Variants in CCSER1 observed in about 807,000 individuals in gnomAD.
The protein encoded by CCSER1 is serine-rich coiled-coil domain-containing protein 1.
In CCSER1, 41 loss-of-function variants were observed where a neutral mutation model predicts 82.0. That is an observed-to-expected ratio of 0.50 (90% confidence interval 0.39 to 0.65). The LOEUF is 0.65. CCSER1 is among the 30% of genes least tolerant of loss of function. The pLI is 0.00. For missense variants in CCSER1, 1,119 were observed against 1,064.2 expected (o/e 1.05, Z -0.72); for synonymous variants, 414 against 383.9 (o/e 1.08, Z -0.92).
At chr4:91,316,901 G>A (rs1036733322) in intron 10 of CCSER1, among the ~76,000 whole-genome samples, 32 of 151,932 alleles carry the variant, frequency 2.1e-4, no homozygotes, top group African/African-American at 7.5e-4. Context: ...GGAGGTGAAC[G>A]GGGATAAAAG....
At chr4:91,242,630 A>G (rs80207298) in intron 10 of CCSER1, among the ~76,000 whole-genome samples, 4,357 of 152,288 alleles carry the variant, frequency 0.029, 209 homozygotes, top group African/African-American at 0.1. Context: ...TTCATGAAAG[A>G]AAAATCTTGA....
At chr4:90,899,091 CTATT>C (rs1404296918) in intron 8 of CCSER1, among the ~76,000 whole-genome samples, 9 of 152,054 alleles carry the variant, frequency 5.9e-5, no homozygotes, top group African/African-American at 1.2e-4. Flanking sequence ...TCATGTTTCT[CTATT>C]TCTTTGTGTC....
intron 1 of CCSER1, among the ~76,000 whole-genome samples, chr4:90,164,843 C>T (rs1560724666): frequency 1.3e-5 from 2 of 152,052 alleles, no homozygotes; most frequent in South Asian, 2.1e-4. Context: ...TACCTTTTGA[C>T]AAAACTTGAA....
intron 8 of CCSER1, among the ~76,000 whole-genome samples, chr4:90,893,859 A>G (rs763377559): frequency 1.3e-5 from 2 of 151,826 alleles, no homozygotes; most frequent in African/African-American, 2.4e-5. Flanking sequence ...TTAGCAGTCT[A>G]TAATTTTTCC....
chr4:90,918,528 C>T (rs1316903811), intron 8 of CCSER1, among the ~76,000 whole-genome samples: 2 of 151,870 alleles, frequency 1.3e-5, no homozygotes, highest in African/African-American at 2.4e-5. Flanking sequence ...CACATTTCCT[C>T]CTCTTCAGTG....
At chr4:90,802,183 A>AT (rs1427519355) in intron 7 of CCSER1, among the ~76,000 whole-genome samples, 5 of 150,990 alleles carry the variant, frequency 3.3e-5, no homozygotes, top group African/African-American at 9.7e-5. Flanking sequence ...ATGCCATTCC[A>AT]TTCCAGCCTG....
At chr4:90,792,713 C>T (rs867165720) in intron 7 of CCSER1, among the ~76,000 whole-genome samples, 6 of 152,224 alleles carry the variant, frequency 3.9e-5, no homozygotes, top group African/African-American at 1.4e-4. Flanking sequence ...GGTTGCACGT[C>T]GGGGCAGGAT....
At chr4:90,777,750 C>T (rs1753132394) in intron 7 of CCSER1, among the ~76,000 whole-genome samples, 1 of 151,910 alleles carries the variant, frequency 6.6e-6, no homozygotes, top group African/African-American at 2.4e-5. Flanking sequence ...GCGTATTGTA[C>T]ATGTGTTATG....
At chr4:91,094,460 G>A (rs1370247864) in intron 10 of CCSER1, among the ~76,000 whole-genome samples, 2 of 152,180 alleles carry the variant, frequency 1.3e-5, no homozygotes, top group African/African-American at 2.4e-5. Context: ...TAGAGTCACT[G>A]TAGTTTGGTT....
chr4:91,423,201 A>G (rs1753777957), intron 10 of CCSER1, among the ~76,000 whole-genome samples: 1 of 151,922 alleles, frequency 6.6e-6, no homozygotes, highest in Non-Finnish European at 1.5e-5. Context: ...TGAGGCGGGC[A>G]GATCACCTGA....
At chr4:90,369,515 A>C (rs1371064003) in intron 3 of CCSER1, among the ~76,000 whole-genome samples, 3 of 152,044 alleles carry the variant, frequency 2.0e-5, no homozygotes, top group African/African-American at 7.2e-5. Flanking sequence ...ATATTTATTT[A>C]CAAGTATATT....
At chr4:90,231,003 C>A (rs1049347235) in intron 1 of CCSER1, among the ~76,000 whole-genome samples, 1 of 151,982 alleles carries the variant, frequency 6.6e-6, no homozygotes, top group Non-Finnish European at 1.5e-5. Context: ...CAAAAAGAGT[C>A]CAGGAACAGA....
At chr4:90,666,769 G>C (rs1429573949) in intron 6 of CCSER1, among the ~76,000 whole-genome samples, 2 of 152,108 alleles carry the variant, frequency 1.3e-5, no homozygotes, top group Admixed American at 1.3e-4. Flanking sequence ...TCATACTGTT[G>C]AGAAGTTTGT....
chr4:90,404,650 T>G (rs968889342), intron 4 of CCSER1, among the ~76,000 whole-genome samples: 1 of 152,168 alleles, frequency 6.6e-6, no homozygotes. Context: ...GGTGCTAGTA[T>G]CCAGGTCTGA....
intron 1 of CCSER1, among the ~76,000 whole-genome samples, chr4:90,197,995 A>G (rs952439589): frequency 6.6e-6 from 1 of 152,110 alleles, no homozygotes; most frequent in African/African-American, 2.4e-5. Context: ...TTCATGTTGT[A>G]CTTATTTCAC....
At chr4:91,548,384 TCTGTTAA>T (rs1193545804) in intron 10 of CCSER1, among the ~76,000 whole-genome samples, 3 of 132,602 alleles carry the variant, frequency 2.3e-5, no homozygotes, top group Admixed American at 7.3e-5. Flanking sequence ...GGAATATATT[TCTGTTAA>T]GTTAACTAAA....
At chr4:90,388,273 TAGTA>T (rs141836989) in intron 3 of CCSER1, among the ~76,000 whole-genome samples, 2,229 of 152,194 alleles carry the variant, frequency 0.015, 75 homozygotes, top group African/African-American at 0.05. Flanking sequence ...AAGAGTGACA[TAGTA>T]AGTATCACTT....
chr4:91,091,884 C>T (rs1239152592), intron 10 of CCSER1, among the ~76,000 whole-genome samples: 1 of 152,198 alleles, frequency 6.6e-6, no homozygotes, highest in Non-Finnish European at 1.5e-5. Context: ...GACTGAGCAC[C>T]TCTCATTTAC....
intron 10 of CCSER1, among the ~76,000 whole-genome samples, chr4:91,298,827 A>T (rs1345101827): frequency 2.0e-5 from 3 of 151,952 alleles, no homozygotes; most frequent in Non-Finnish European, 2.9e-5. Context: ...CTTTTACAAA[A>T]TCCTCCACAA....
Sources: gnomAD v4.1 joint callset for allele counts (sites outside exome capture counted in the v4.1 genomes callset) on GRCh38, gnomAD v4.1.1 for gene constraint, MANE v1.5 for transcripts, NCBI Gene and HGNC (gene_info 2026-07-23, HGNC 2026-07-21) for gene names.